BRWD1: variants seen among roughly 807,000 people sequenced by gnomAD.
The protein encoded by BRWD1 is bromodomain and WD repeat domain containing 1, also known as bromodomain and WD repeat-containing protein 1.
Under a neutral mutation model 251.2 loss-of-function variants are expected in BRWD1, and 82 were observed. That is an observed-to-expected ratio of 0.33 (90% CI 0.27 to 0.39). The LOEUF is 0.39. Ranked by LOEUF, BRWD1 falls within the 10% of genes least tolerant of loss-of-function variation. The pLI, the probability that BRWD1 is intolerant of heterozygous loss-of-function variation, is 1.00. For missense variants in BRWD1, 2,233 were observed against 2,711.6 expected (o/e 0.82, Z 3.92); for synonymous variants, 918 against 902.8 (o/e 1.02, Z -0.30).
At chr21:39,311,171 T>A (rs1478807417) in intron 4 of BRWD1, among the ~76,000 whole-genome samples, 1 of 152,032 alleles carries the variant, frequency 6.6e-6, no homozygotes, top group Non-Finnish European at 1.5e-5. Flanking sequence ...ATATAAATTT[T>A]TTTTTTAAAA....
chr21:39,311,805 T>A (rs773703460), intron 4 of BRWD1, among the ~76,000 whole-genome samples: 1 of 152,246 alleles, frequency 6.6e-6, no homozygotes, highest in Non-Finnish European at 1.5e-5. Context: ...GTGTTAACTG[T>A]TCATGGAAAT....
chr21:39,223,587 A>G (rs1232957826), intron 29 of BRWD1, among the ~76,000 whole-genome samples: 1 of 152,190 alleles, frequency 6.6e-6, no homozygotes, highest in Non-Finnish European at 1.5e-5. Flanking sequence ...GGAGAAAGGT[A>G]GGAGGAAATT....
chr21:39,225,004 A>T, intron 28 of BRWD1, 82 bp downstream of exon 28: 1 of 1,084,016 alleles, frequency 9.2e-7, no homozygotes, highest in African/African-American at 1.6e-5. Context: ...ATGTTTTTTT[A>T]AAAACCAGAA....
chr21:39,218,484 C>A, intron 30 of BRWD1, 21 bp downstream of exon 30: 1 of 1,552,094 alleles, frequency 6.4e-7, no homozygotes, highest in Non-Finnish European at 8.6e-7. Flanking sequence ...AACTTTTCAT[C>A]CTAAAAAATA....
At chr21:39,315,507 G>C (rs542855323), upstream of BRWD1, among the ~76,000 whole-genome samples, 1 of 151,914 alleles carries the variant, frequency 6.6e-6, no homozygotes, top group Non-Finnish European at 1.5e-5. Flanking sequence ...GGCAGTGCGC[G>C]CCTCTAGTCC....
At chr21:39,203,434 GGTTCTTT>G (rs1202375995) in intron 37 of BRWD1, among the ~76,000 whole-genome samples, 26 of 64,314 alleles carry the variant, frequency 4.0e-4, no homozygotes, top group South Asian at 1.4e-3. Context: ...GCAAGACCCT[GGTTCTTT>G]TTTTTTTTTT....
rs2031778832 is a variant in BRWD1 at position 39,195,744 on chromosome 21, A to ATT, written c.*514_*515insAA. On this transcript the variant is annotated 3_prime_UTR_variant, in exon 41 of 41. Transcript: ENST00000342449. ...TTCTACTCAAGTAGCCAGGGGAAGA[A>ATT]AAAAAAAAAAGTGGTAGGTACCTCG... is the stretch of plus-strand genomic sequence containing the variant. 1 of 607,010 alleles carries ATT rather than the reference A, an allele frequency of 1.6e-6. No homozygotes were observed. Among genetic ancestry groups the ATT allele is most frequent in the Non-Finnish European group, 1.9e-6 (1 of 538,052 alleles). The allele number at this position is 607,010 out of a possible 1,614,324, so 37.6% of individuals were successfully genotyped here. A position where few individuals can be genotyped will look rare whatever the true frequency, so the allele number is the denominator to read the frequency against.
intron 9 of BRWD1, among the ~76,000 whole-genome samples, chr21:39,279,839 C>T (rs1362556517): frequency 2.6e-5 from 4 of 151,988 alleles, no homozygotes; most frequent in East Asian, 1.9e-4. Flanking sequence ...CAATACAGGT[C>T]TTATGACTCT....
At chr21:39,245,606 T>G (rs932411116) in intron 21 of BRWD1, among the ~76,000 whole-genome samples, 11 of 151,638 alleles carry the variant, frequency 7.3e-5, no homozygotes, top group African/African-American at 2.2e-4. Flanking sequence ...TTTTGGTTTT[T>G]TTTTTTTTTT....
intron 19 of BRWD1, 59 bp downstream of exon 19, chr21:39,255,586 A>T (rs1240005939): frequency 7.1e-7 from 1 of 1,400,640 alleles, no homozygotes; most frequent in African/African-American, 1.4e-5. Context: ...ATGTGTAAAT[A>T]ACCATATAAA....
At chr21:39,257,489 C>T (rs536245537) in intron 18 of BRWD1, among the ~76,000 whole-genome samples, 4 of 151,988 alleles carry the variant, frequency 2.6e-5, no homozygotes, top group African/African-American at 7.2e-5. Context: ...GGAAACTTTT[C>T]TGGATTAAAA....
rs397755720 is a variant in BRWD1, at chr21:39,190,230, C to CTT, written c.*6027_*6028dup. 786 of 948,244 alleles carry CTT rather than the reference C, an allele frequency of 8.3e-4. No individual in the cohort carries two copies. Among genetic ancestry groups the CTT allele is most frequent in the Middle Eastern group, 1.1e-3 (2 of 1,838 alleles). 58.7% of individuals were successfully genotyped at this position (948,244 alleles called of 1,614,324 possible). On this transcript the variant is annotated 3_prime_UTR_variant, in exon 41 of 41. Transcript: ENST00000342449. ...AAGGATTAATCATATTCTAATTAGA[C>CTT]TTTTTTTTAATTTTTAAGCTACCTT...
chr21:39,224,986 T>C, intron 28 of BRWD1, 100 bp downstream of exon 28: 7 of 920,940 alleles, frequency 7.6e-6, no homozygotes, highest in Non-Finnish European at 1.2e-5. Context: ...TAATGACAGA[T>C]AAAAACCATG....
At position 39,188,164 on chromosome 21, in the gene BRWD1, C is replaced by T; in HGVS notation, c.*8095G>A. 1.0e-6 allele frequency: 1 copy of T among 985,382 alleles called. No homozygotes were observed. The highest frequency in any genetic ancestry group is 1.2e-6 in the Non-Finnish European group (1 of 829,906). The allele number at this position is 985,382 out of a possible 1,614,324, so 61.0% of individuals were successfully genotyped here. A position where few individuals can be genotyped will look rare whatever the true frequency, so the allele number is the denominator to read the frequency against. ...ATTTCACAAACAAGTCTAATTAGTA[C>T]TCTTCTAGAACAGAAGTGATATTCC... On this transcript the variant is annotated 3_prime_UTR_variant, in exon 41 of 41. Transcript: ENST00000342449.
At chr21:39,270,083 T>A in intron 14 of BRWD1, 50 bp from the exon 15 acceptor site, 1 of 1,446,744 alleles carries the variant, frequency 6.9e-7, no homozygotes, top group South Asian at 1.6e-5. Flanking sequence ...AGTTACAAAT[T>A]GAAAATTTAA....
chr21:39,293,335 A>G (rs1377155707), intron 8 of BRWD1, among the ~76,000 whole-genome samples: 1 of 152,076 alleles, frequency 6.6e-6, no homozygotes, highest in East Asian at 1.9e-4. Flanking sequence ...TCTACTAAAA[A>G]TACAAAAATT....
At position 39,186,789 on chromosome 21, in the gene BRWD1, G is replaced by A; in HGVS notation, c.*9470C>T. On this transcript the variant is annotated 3_prime_UTR_variant, in exon 41 of 41. Coordinates refer to ENST00000342449, the MANE Select transcript of BRWD1 (RefSeq NM_033656.4). ...ATAGTAGTCTTATAGCAGGCCATTT[G>A]TCTTTTCTTTCCACCTCTCCACCTA... 1 of 464,720 alleles carries A rather than the reference G, an allele frequency of 2.2e-6. No individual in the cohort carries two copies. The highest frequency in any genetic ancestry group is 3.4e-6 in the Non-Finnish European group (1 of 290,356). The allele number at this position is 464,720 out of a possible 1,614,324, so 28.8% of individuals were successfully genotyped here.
intron 17 of BRWD1, among the ~76,000 whole-genome samples, 183 bp downstream of exon 17, chr21:39,264,277 G>C (rs1235564653): frequency 1.3e-5 from 2 of 151,594 alleles, no homozygotes; most frequent in Non-Finnish European, 2.9e-5. Flanking sequence ...CTTATTTAGA[G>C]GTAAATGGTA....
intron 36 of BRWD1, among the ~76,000 whole-genome samples, chr21:39,207,484 A>ACACACACAC (rs1555849299): frequency 4.2e-5 from 6 of 142,694 alleles, no homozygotes; most frequent in African/African-American, 1.6e-4. Context: ...ACACACACAC[A>ACACACACAC]AACAAAACTC....
Sources: allele counts gnomAD v4.1 joint callset (sites outside exome capture counted in the v4.1 genomes callset), GRCh38; gene constraint gnomAD v4.1.1; transcripts MANE v1.5; gene names NCBI Gene and HGNC (gene_info 2026-07-23, HGNC 2026-07-21).